The following HSCB variants were observed in gnomAD, a reference collection of about 807,000 sequenced individuals.
The protein encoded by HSCB is iron-sulfur cluster co-chaperone protein HscB.
In HSCB, 23 loss-of-function variants were observed where a neutral mutation model predicts 31.3. The observed-to-expected ratio is 0.74, with a 90% CI of 0.53 to 1.04. HSCB has a LOEUF of 1.04. HSCB is among the 50% of genes least tolerant of loss of function. The probability of loss-of-function intolerance (pLI) is 0.00; values close to 1 mark genes in which losing one functional copy is unlikely to be tolerated. For synonymous variants in HSCB, 110 were observed against 104.5 expected (o/e 1.05, Z -0.32); for missense variants, 297 against 288.1 (o/e 1.03, Z -0.22).
intron 4 of HSCB, among the ~76,000 whole-genome samples, chr22:28,747,630 G>A (rs949702818): frequency 6.6e-5 from 10 of 152,080 alleles, no homozygotes; most frequent in African/African-American, 2.4e-4. Context: ...AAGCAACTGG[G>A]CACCATAGCC....
rs1438199966 is a variant in HSCB, at chr22:28,748,510, T to TG, written c.568+2502_568+2503insG. ...CTTTTTGAAACCCAAGCGTTTTTTTTTGTTGTTTTGTTTTGTTTTTGAGAC... is the reference window on the plus strand; with the variant it reads ...CTTTTTGAAACCCAAGCGTTTTTTTTGTGTTGTTTTGTTTTGTTTTTGAGAC... On this transcript the variant is annotated intron_variant, in intron 4 of 5. Transcript: ENST00000216027. Among the ~76,000 whole-genome samples the TG allele has an allele frequency of 1.7e-3, 262 of 151,964 alleles. 1 individual carries two copies. The highest frequency in any genetic ancestry group is 6.0e-3 in the African/African-American group (247 of 41,446).
chr22:28,752,089 TCAAAA>T (rs889371654), intron 5 of HSCB, among the ~76,000 whole-genome samples: 3 of 141,656 alleles, frequency 2.1e-5, no homozygotes, highest in Non-Finnish European at 4.6e-5. Flanking sequence ...AGACTCCCTC[TCAAAA>T]CAAACAAAAA....
chr22:28,745,762 G>A, intron 3 of HSCB, 102 bp from the exon 4 acceptor site: 2 of 975,738 alleles, frequency 2.0e-6, no homozygotes, highest in Middle Eastern at 2.4e-4. Flanking sequence ...GACAGTTGCA[G>A]TTTTCTCTAT....
intron 2 of HSCB, 141 bp from the exon 3 acceptor site, chr22:28,744,474 C>T: frequency 4.7e-6 from 3 of 632,156 alleles, no homozygotes; most frequent in Non-Finnish European, 2.9e-6. Context: ...ATCACTTGAA[C>T]GTGGGAGGTG....
intron 5 of HSCB, among the ~76,000 whole-genome samples, chr22:28,753,255 G>A (rs1194663798): frequency 6.6e-6 from 1 of 152,174 alleles, no homozygotes; most frequent in Non-Finnish European, 1.5e-5. Flanking sequence ...ACCGGGCGTG[G>A]TGGCTCACAT....
intron 1 of HSCB, among the ~76,000 whole-genome samples, chr22:28,743,245 G>A (rs2054617524): frequency 1.3e-5 from 2 of 152,148 alleles, no homozygotes; most frequent in Admixed American, 6.6e-5. Flanking sequence ...CCGACCTAAC[G>A]GGATTCTTGC....
intron 5 of HSCB, among the ~76,000 whole-genome samples, chr22:28,752,302 G>A (rs186334209): frequency 1.4e-3 from 208 of 151,104 alleles, no homozygotes; most frequent in African/African-American, 4.7e-3. Context: ...GCGCAGTGGC[G>A]CGCCTGTAAT....
intron 4 of HSCB, among the ~76,000 whole-genome samples, chr22:28,746,574 G>A (rs929103810): frequency 1.3e-5 from 2 of 151,400 alleles, no homozygotes; most frequent in African/African-American, 4.9e-5. Context: ...GCAACGTGGC[G>A]AAACCCCATC....
chr22:28,742,081 T>C lies in HSCB; in HGVS notation c.-15T>C, dbSNP rs2054572730. 1.3e-6 allele frequency: 2 copies of C among 1,599,952 alleles called. No individual in the cohort carries two copies. Among genetic ancestry groups the C allele is most frequent in the East Asian group, 2.2e-5 (1 of 44,448 alleles). ...TTCCCCACGAGTGACCACGGCTAGA[T>C]AGGCCGCCGGCCAGATGTGGCGGGG... On this transcript the variant is annotated 5_prime_UTR_variant, in exon 1 of 6. Coordinates refer to ENST00000216027, the MANE Select transcript of HSCB (RefSeq NM_172002.5).
chr22:28,748,815 C>A (rs1257964017), intron 4 of HSCB, among the ~76,000 whole-genome samples: 2 of 152,092 alleles, frequency 1.3e-5, no homozygotes, highest in African/African-American at 4.8e-5. Context: ...CCAAGCCCGG[C>A]CAAAACCCAA....
At chr22:28,750,321 A>G (rs552261089) in intron 4 of HSCB, among the ~76,000 whole-genome samples, 8 of 150,958 alleles carry the variant, frequency 5.3e-5, no homozygotes, top group Admixed American at 4.0e-4. Context: ...TGAGCAGCTC[A>G]CTGACCTTAA....
intron 3 of HSCB, 45 bp from the exon 4 acceptor site, chr22:28,745,819 C>T (rs199505003): frequency 6.5e-7 from 1 of 1,535,462 alleles, no homozygotes; most frequent in Non-Finnish European, 8.8e-7. Context: ...CATTACTCTG[C>T]CCATAGCTTC....
chr22:28,748,409 C>T (rs1374916159), intron 4 of HSCB, among the ~76,000 whole-genome samples: 1 of 152,196 alleles, frequency 6.6e-6, no homozygotes, highest in Non-Finnish European at 1.5e-5. Flanking sequence ...CTCACCTGGA[C>T]AACTGCAGTA....
At chr22:28,742,421 A>C (rs2054586152) in intron 1 of HSCB, 90 bp downstream of exon 1, 1 of 1,536,800 alleles carries the variant, frequency 6.5e-7, no homozygotes, top group Non-Finnish European at 8.8e-7. Flanking sequence ...GGCTGGCGGA[A>C]GAGAAGGCGG....
At chr22:28,751,485 A>C (rs770660291) in intron 5 of HSCB, among the ~76,000 whole-genome samples, 197 bp downstream of exon 5, 15 of 152,200 alleles carry the variant, frequency 9.9e-5, no homozygotes, top group Admixed American at 3.9e-4. Context: ...CACGGTGGCT[A>C]ATGCCTGTAA....
chr22:28,744,651 GT>G lies in HSCB; in HGVS notation c.371del (p.Val124GlyfsTer12). 1.2e-6 allele frequency: 2 copies of G among 1,614,006 alleles called. No individual in the cohort carries two copies. Among genetic ancestry groups the G allele is most frequent in the Non-Finnish European group, 1.7e-6 (2 of 1,179,872 alleles). ...KDFSEKHSTL[V>X]NDAYKTLLAP... ...CTTCTCAGAGAAGCATTCGACCCTG[GT>G]GAATGATGCCTATAAGACCCTCCTG... On this transcript the variant is annotated frameshift_variant, in exon 3 of 6. Coordinates refer to ENST00000216027, the MANE Select transcript of HSCB (RefSeq NM_172002.5). LOFTEE classifies it high-confidence loss of function.
chr22:28,753,155 T>A (rs900196695), intron 5 of HSCB, among the ~76,000 whole-genome samples: 1 of 152,114 alleles, frequency 6.6e-6, no homozygotes, highest in Non-Finnish European at 1.5e-5. Context: ...AGGAAGACCA[T>A]TGGAGAAAGG....
chr22:28,744,574 G>A (rs1451918655), intron 2 of HSCB, 41 bp from the exon 3 acceptor site: 1 of 1,434,414 alleles, frequency 7.0e-7, no homozygotes, highest in Admixed American at 1.7e-5. Flanking sequence ...AAAACTTTGT[G>A]ATTTGGATGG....
At position 28,745,520 on chromosome 22, in the gene HSCB, C is replaced by G. The variant is rs1179202356; in HGVS notation, c.424-344C>G. 3.7e-5 allele frequency: 6 copies of G among 160,152 alleles called. No homozygotes were observed. The Admixed American group carries it at 3.9e-4, about 10-fold the overall frequency. 9.9% of individuals were successfully genotyped at this position (160,152 alleles called of 1,614,324 possible). A position where few individuals can be genotyped will look rare whatever the true frequency, so the allele number is the denominator to read the frequency against. ...TGAGATCACACCACTGCACTCCAGC[C>G]TGGGCGACAGAGTGAGACTTCATCT... On this transcript the variant is annotated intron_variant, in intron 3 of 5. Coordinates refer to ENST00000216027, the MANE Select transcript of HSCB (RefSeq NM_172002.5).
Sources: allele counts gnomAD v4.1 joint callset (sites outside exome capture counted in the v4.1 genomes callset), GRCh38; gene constraint gnomAD v4.1.1; transcripts MANE v1.5; gene names NCBI Gene and HGNC (gene_info 2026-07-23, HGNC 2026-07-21).